Variants in KLF12 observed in about 807,000 individuals in gnomAD.
KLF12 encodes KLF transcription factor 12.
A neutral mutation model predicts 37.8 loss-of-function variants in KLF12; 9 were observed. That is an observed-to-expected ratio of 0.24 (90% CI 0.14 to 0.42). KLF12 has a LOEUF of 0.42. Among genes scored for constraint, KLF12 ranks in the 10% least tolerant of loss-of-function variants. The pLI is 1.00. For synonymous variants in KLF12, 208 were observed against 202.1 expected, an observed-to-expected ratio of 1.03 and a Z score of -0.25; for missense variants, 411 against 516.0, an observed-to-expected ratio of 0.80 and a Z score of 1.97.
intron 5 of KLF12, among the ~76,000 whole-genome samples, chr13:73,765,847 C>A (rs1384641115): frequency 2.0e-5 from 3 of 152,136 alleles, no homozygotes; most frequent in Non-Finnish European, 4.4e-5. Flanking sequence ...GTATTACCTT[C>A]ACCCTTTATG....
chr13:73,814,601 A>C lies in KLF12; in HGVS notation c.671-1314T>G, dbSNP rs1043655382. Among the ~76,000 whole-genome samples, 4 of 152,374 alleles carry C rather than the reference A, an allele frequency of 2.6e-5. No individual in the cohort carries two copies. In the East Asian group the frequency reaches 7.7e-4, roughly 29 times the overall value. On this transcript the variant is annotated intron_variant, in intron 4 of 7. Coordinates refer to ENST00000377669, the MANE Select transcript of KLF12 (RefSeq NM_007249.5). Reference sequence around the variant, plus strand: ...TCCTGACTTTAAATATAAATATACCAAAACGTGCTTTGCACAATGGAAGTG... The same window carrying C: ...TCCTGACTTTAAATATAAATATACCCAAACGTGCTTTGCACAATGGAAGTG...
At chr13:73,836,168 T>C (rs1180467419) in intron 4 of KLF12, among the ~76,000 whole-genome samples, 2 of 152,126 alleles carry the variant, frequency 1.3e-5, no homozygotes, top group African/African-American at 4.8e-5. Context: ...ACCCAGTAAA[T>C]TGGTAGCTCT....
intron 2 of KLF12, among the ~76,000 whole-genome samples, chr13:73,957,264 A>G (rs1890874994): frequency 6.6e-6 from 1 of 152,196 alleles, no homozygotes; most frequent in Non-Finnish European, 1.5e-5. Flanking sequence ...CTGGGAAATT[A>G]GCAATACTTT....
chr13:73,754,028 C>T (rs1479158193), intron 6 of KLF12, among the ~76,000 whole-genome samples: 1 of 152,150 alleles, frequency 6.6e-6, no homozygotes, highest in Non-Finnish European at 1.5e-5. Flanking sequence ...GACATGGAAA[C>T]TCACACACAT....
At chr13:74,182,203 C>T in the KLF12 span, among the ~76,000 whole-genome samples, 2 of 152,164 alleles carry the variant, frequency 1.3e-5, no homozygotes, top group Non-Finnish European at 2.9e-5. Flanking sequence ...AAAGTATAAT[C>T]TCAATTCACT....
In KLF12 at chr13:74,095,579, A is replaced by G. The variant is rs116296223; in HGVS notation, c.-32+38160T>C. ...TATTTTGTGTGTGTACATAGAGATA[A>G]GGTCTTGCTGCATAGCTGAGGCTGG... is the stretch of plus-strand genomic sequence containing the variant. On this transcript the variant is annotated intron_variant, in intron 1 of 7. Coordinates refer to ENST00000377669, the MANE Select transcript of KLF12 (RefSeq NM_007249.5). Among the ~76,000 whole-genome samples, 982 of 152,034 alleles carry G rather than the reference A, an allele frequency of 6.5e-3. 14 individuals carry two copies. The highest frequency in any genetic ancestry group is 0.022 in the African/African-American group (929 of 41,454).
At chr13:74,000,179 A>G (rs1369326590) in intron 1 of KLF12, among the ~76,000 whole-genome samples, 1 of 152,174 alleles carries the variant, frequency 6.6e-6, no homozygotes, top group African/African-American at 2.4e-5. Flanking sequence ...TTTATAATCA[A>G]GTGCCCAAAC....
chr13:74,178,454 C>T, the KLF12 span, among the ~76,000 whole-genome samples: 1 of 152,278 alleles, frequency 6.6e-6, no homozygotes, highest in Admixed American at 6.5e-5. Flanking sequence ...TAGTGTCTGC[C>T]ATAGTATTAT....
intron 3 of KLF12, among the ~76,000 whole-genome samples, chr13:73,893,709 A>G (rs57785754): frequency 0.018 from 2,721 of 152,170 alleles, 99 homozygotes; most frequent in Admixed American, 0.088. Context: ...TGTGTGCCAG[A>G]TATTGTTCTA....
chr13:74,191,372 T>C, the KLF12 span, among the ~76,000 whole-genome samples: 10 of 152,212 alleles, frequency 6.6e-5, no homozygotes, highest in African/African-American at 2.2e-4. Flanking sequence ...CATAAGAATA[T>C]AAATGCCCAA....
At chr13:74,217,652 G>C in the KLF12 span, among the ~76,000 whole-genome samples, 1 of 152,048 alleles carries the variant, frequency 6.6e-6, no homozygotes, top group African/African-American at 2.4e-5. Context: ...GCTTGAACCT[G>C]GGAGGCGGAG....
At chr13:74,092,783 T>C (rs1875751771) in intron 1 of KLF12, among the ~76,000 whole-genome samples, 1 of 151,948 alleles carries the variant, frequency 6.6e-6, no homozygotes. Flanking sequence ...AATGGGCAAA[T>C]AACTTAGACA....
chr13:73,956,365 T>A (rs1468493805), intron 2 of KLF12, among the ~76,000 whole-genome samples: 1 of 152,322 alleles, frequency 6.6e-6, no homozygotes, highest in East Asian at 1.9e-4. Context: ...AACTCACATA[T>A]TCTTTGAGAC....
At chr13:73,768,450 C>T (rs977114000) in intron 5 of KLF12, among the ~76,000 whole-genome samples, 1 of 152,114 alleles carries the variant, frequency 6.6e-6, no homozygotes, top group African/African-American at 2.4e-5. Context: ...TGTGCTTATA[C>T]AACTTTACTA....
At chr13:73,769,402 T>A (rs1172764269) in intron 5 of KLF12, among the ~76,000 whole-genome samples, 1 of 152,220 alleles carries the variant, frequency 6.6e-6, no homozygotes, top group Non-Finnish European at 1.5e-5. Context: ...CTTGAACAGC[T>A]TCTTTACTCA....
At chr13:74,060,336 AT>A (rs1873497761) in intron 1 of KLF12, among the ~76,000 whole-genome samples, 1 of 151,990 alleles carries the variant, frequency 6.6e-6, no homozygotes, top group Admixed American at 6.5e-5. Flanking sequence ...GAATCTGTAG[AT>A]TACTTTGGAC....
rs1873905693 is a variant in KLF12 at position 73,693,082 on chromosome 13, C to T, written c.*2408G>A. The T allele has an allele frequency of 1.3e-5, 2 of 152,158 alleles. No individual in the cohort carries two copies. Among genetic ancestry groups the T allele is most frequent in the African/African-American group, 4.8e-5 (2 of 41,428 alleles). 9.4% of individuals were successfully genotyped at this position (152,158 alleles called of 1,614,324 possible). A position where few individuals can be genotyped will look rare whatever the true frequency, so the allele number is the denominator to read the frequency against. On this transcript the variant is annotated 3_prime_UTR_variant, in exon 8 of 8. Transcript: ENST00000377669. ...CTTTCAGCAGAGAAAAGAACTGGCTCTTTTTATGAGAGCAAGCAGGACTAA... is the reference window on the plus strand; with the variant it reads ...CTTTCAGCAGAGAAAAGAACTGGCTTTTTTTATGAGAGCAAGCAGGACTAA...
intron 3 of KLF12, among the ~76,000 whole-genome samples, chr13:73,906,787 T>C (rs1438641982): frequency 3.9e-5 from 6 of 152,208 alleles, no homozygotes; most frequent in African/African-American, 1.2e-4. Context: ...ACAATATGGA[T>C]TCTAGCGAGG....
chr13:74,019,981 T>C (rs891362241), intron 1 of KLF12, among the ~76,000 whole-genome samples: 1 of 152,204 alleles, frequency 6.6e-6, no homozygotes, highest in Non-Finnish European at 1.5e-5. Flanking sequence ...TGAAATCCCA[T>C]GGCCTGTGGC....
Sources: gnomAD v4.1 joint callset for allele counts (sites outside exome capture counted in the v4.1 genomes callset) on GRCh38, gnomAD v4.1.1 for gene constraint, MANE v1.5 for transcripts, NCBI Gene and HGNC (gene_info 2026-07-23, HGNC 2026-07-21) for gene names.